Variants in GRID1 observed in about 807,000 individuals in gnomAD.
GRID1 encodes the protein glutamate ionotropic receptor delta type subunit 1.
GRID1 carries 28 observed loss-of-function variants against 98.0 expected under a neutral mutation model. The observed-to-expected ratio is 0.29, with a 90% CI of 0.21 to 0.39. The LOEUF (loss-of-function observed/expected upper bound fraction) is 0.39, where lower values mean the gene tolerates loss of function less well. Ranked by LOEUF, GRID1 falls within the 10% of genes least tolerant of loss-of-function variation. The pLI is 1.00. For missense variants in GRID1, 1,111 were observed against 1,340.5 expected (o/e 0.83, Z 2.67); for synonymous variants, 553 against 538.5 (o/e 1.03, Z -0.37).
intron 2 of GRID1, among the ~76,000 whole-genome samples, chr10:86,225,233 C>T (rs1488283482): frequency 1.3e-5 from 2 of 152,046 alleles, no homozygotes; most frequent in African/African-American, 4.8e-5. Flanking sequence ...TCCAGGAGCC[C>T]GAGGTAAACC....
intron 4 of GRID1, among the ~76,000 whole-genome samples, chr10:86,073,629 A>G (rs1843835949): frequency 6.6e-6 from 1 of 152,192 alleles, no homozygotes; most frequent in South Asian, 2.1e-4. Flanking sequence ...CCTGTCTTCC[A>G]GGGACAACTA....
At chr10:85,820,318 G>A (rs1469907888) in intron 8 of GRID1, among the ~76,000 whole-genome samples, 3 of 152,160 alleles carry the variant, frequency 2.0e-5, no homozygotes, top group Admixed American at 2.0e-4. Context: ...GAGCCACGAT[G>A]ACTAACTGCT....
Position 86,255,931 on chromosome 10 carries a change from C to A in GRID1, c.236-49283G>T, listed in dbSNP as rs563721167. 2.0e-5 allele frequency among the ~76,000 whole-genome samples: 3 copies of A among 152,300 alleles called. No individual in the cohort carries two copies. In the East Asian group the frequency reaches 5.8e-4, roughly 29 times the overall value. ...TGCCGCACCCCCAACCACTACACGGCCTCCCCCATGGTGTGCACAACAGCC... is the reference window on the plus strand; with the variant it reads ...TGCCGCACCCCCAACCACTACACGGACTCCCCCATGGTGTGCACAACAGCC... On this transcript the variant is annotated intron_variant, in intron 2 of 15. Transcript: ENST00000327946.
At chr10:85,973,477 T>A (rs1842433455) in intron 4 of GRID1, among the ~76,000 whole-genome samples, 1 of 152,196 alleles carries the variant, frequency 6.6e-6, no homozygotes, top group Admixed American at 6.5e-5. Context: ...ATTTTATGTA[T>A]AAGGAACTCT....
intron 8 of GRID1, among the ~76,000 whole-genome samples, chr10:85,792,590 G>A (rs1842490413): frequency 6.6e-6 from 1 of 152,116 alleles, no homozygotes; most frequent in African/African-American, 2.4e-5. Flanking sequence ...CAGGATCCTG[G>A]TCTCTCTCTT....
At chr10:86,250,772 C>T (rs1846813764) in intron 2 of GRID1, among the ~76,000 whole-genome samples, 1 of 152,124 alleles carries the variant, frequency 6.6e-6, no homozygotes, top group African/African-American at 2.4e-5. Context: ...TGGGGAGCCC[C>T]TCTGCCCGGC....
chr10:85,858,421 C>T (rs1278471170), intron 6 of GRID1, among the ~76,000 whole-genome samples: 1 of 152,172 alleles, frequency 6.6e-6, no homozygotes, highest in Non-Finnish European at 1.5e-5. Context: ...ACAGGGAACA[C>T]CATGACAGAA....
chr10:85,968,450 C>CAAAAAAAAAAAAAAAA (rs56938729), intron 4 of GRID1, among the ~76,000 whole-genome samples: 1 of 102,446 alleles, frequency 9.8e-6, no homozygotes, highest in Non-Finnish European at 2.0e-5. Flanking sequence ...GACTCTGTCT[C>CAAAAAAAAAAAAAAAA]AAAAAAAAAA....
At chr10:86,207,514 A>G (rs1205882740) in intron 2 of GRID1, among the ~76,000 whole-genome samples, 2 of 152,098 alleles carry the variant, frequency 1.3e-5, no homozygotes, top group Non-Finnish European at 2.9e-5. Flanking sequence ...ACATCAACCA[A>G]TTAATAGAAA....
At chr10:85,979,563 G>A (rs918482001) in intron 4 of GRID1, among the ~76,000 whole-genome samples, 2 of 152,132 alleles carry the variant, frequency 1.3e-5, no homozygotes, top group Non-Finnish European at 2.9e-5. Flanking sequence ...TTCCCTCTGT[G>A]TATGTCCTGA....
At chr10:85,980,079 C>A (rs557453974) in intron 4 of GRID1, among the ~76,000 whole-genome samples, 86 of 152,324 alleles carry the variant, frequency 5.6e-4, no homozygotes, top group African/African-American at 2.0e-3. Flanking sequence ...CATTACCTTC[C>A]AAATATTGGA....
chr10:85,997,898 C>G (rs984327046), intron 4 of GRID1, among the ~76,000 whole-genome samples: 4 of 151,964 alleles, frequency 2.6e-5, no homozygotes, highest in East Asian at 1.9e-4. Flanking sequence ...AAACACTAAT[C>G]AAATAAAAGC....
intron 6 of GRID1, among the ~76,000 whole-genome samples, chr10:85,865,057 C>T (rs1413427390): frequency 2.6e-5 from 4 of 152,188 alleles, no homozygotes; most frequent in African/African-American, 9.7e-5. Context: ...CTCCTCTGAG[C>T]AAAGATGTCT....
chr10:85,645,790 A>C (rs901040820), intron 13 of GRID1: 11 of 152,240 alleles, frequency 7.2e-5, no homozygotes, highest in African/African-American at 2.7e-4. Context: ...GATCCTGTAC[A>C]AGTCATCCTG....
chr10:86,006,394 G>C (rs546066687), intron 4 of GRID1, among the ~76,000 whole-genome samples: 3 of 152,330 alleles, frequency 2.0e-5, no homozygotes, highest in Admixed American at 2.0e-4. Context: ...GCCGAGGTGA[G>C]CGGATCATGA....
At chr10:85,715,808 G>A (rs184938558) in intron 12 of GRID1, among the ~76,000 whole-genome samples, 66 of 152,244 alleles carry the variant, frequency 4.3e-4, no homozygotes, top group Non-Finnish European at 7.6e-4. Flanking sequence ...TCTTAATACA[G>A]AGCCAAAGAA....
intron 4 of GRID1, among the ~76,000 whole-genome samples, chr10:85,918,922 C>A (rs564808904): frequency 7.9e-5 from 12 of 152,288 alleles, no homozygotes; most frequent in African/African-American, 2.9e-4. Context: ...TTCTCCAGTC[C>A]GGCTGTGTTT....
At chr10:85,697,932 T>C (rs1247656810) in intron 12 of GRID1, among the ~76,000 whole-genome samples, 1 of 152,168 alleles carries the variant, frequency 6.6e-6, no homozygotes, top group Non-Finnish European at 1.5e-5. Flanking sequence ...TATGGTCCAC[T>C]TTGAATAGCA....
intron 4 of GRID1, among the ~76,000 whole-genome samples, chr10:86,138,352 A>T (rs528864006): frequency 1.3e-5 from 2 of 152,318 alleles, no homozygotes; most frequent in African/African-American, 4.8e-5. Flanking sequence ...AAGTGCCAAA[A>T]AAATAAGAAC....
Sources: allele counts gnomAD v4.1 joint callset (sites outside exome capture counted in the v4.1 genomes callset), GRCh38; gene constraint gnomAD v4.1.1; transcripts MANE v1.5; gene names NCBI Gene and HGNC (gene_info 2026-07-23, HGNC 2026-07-21).